The following CEP112 variants were observed in gnomAD, a reference collection of about 807,000 sequenced individuals.
The protein encoded by CEP112 is centrosomal protein 112.
A neutral mutation model predicts 153.0 loss-of-function variants in CEP112; 127 were observed. The observed-to-expected ratio is 0.83, with a 90% CI of 0.72 to 0.96. CEP112 has a LOEUF of 0.96. Ranked by LOEUF, CEP112 falls within the 40% of genes least tolerant of loss-of-function variation. The pLI is 0.00. For synonymous variants in CEP112, 358 were observed against 374.4 expected (o/e 0.96, Z 0.51); for missense variants, 1,089 against 1,101.2 (o/e 0.99, Z 0.16).
intron 8 of CEP112, among the ~76,000 whole-genome samples, chr17:66,084,736 C>A (rs944565813): frequency 6.6e-6 from 1 of 151,766 alleles, no homozygotes; most frequent in East Asian, 1.9e-4. Context: ...AACGAAGAAA[C>A]CTATAATTTG....
At chr17:65,847,367 T>C (rs1487393579) in intron 21 of CEP112, among the ~76,000 whole-genome samples, 1 of 152,224 alleles carries the variant, frequency 6.6e-6, no homozygotes, top group African/African-American at 2.4e-5. Flanking sequence ...AATTCCCTTA[T>C]ATCTTCTTCC....
At chr17:65,664,711 C>T (rs960608276) in intron 24 of CEP112, among the ~76,000 whole-genome samples, 2 of 152,216 alleles carry the variant, frequency 1.3e-5, no homozygotes, top group Non-Finnish European at 2.9e-5. Flanking sequence ...GTCTTCCTCT[C>T]AATCCTGATA....
chr17:65,670,241 T>C (rs1383388824), intron 24 of CEP112, among the ~76,000 whole-genome samples: 2 of 151,652 alleles, frequency 1.3e-5, no homozygotes, highest in African/African-American at 2.4e-5. Flanking sequence ...ATTTTCAAAA[T>C]ACCCTCTAAT....
chr17:65,818,341 C>G (rs1568061403), intron 21 of CEP112, among the ~76,000 whole-genome samples: 1 of 151,698 alleles, frequency 6.6e-6, no homozygotes, highest in Admixed American at 6.6e-5. Flanking sequence ...TGCAGAACAC[C>G]AAAAGCCACA....
intron 24 of CEP112, among the ~76,000 whole-genome samples, chr17:65,676,729 A>G (rs951619178): frequency 6.6e-6 from 1 of 152,344 alleles, no homozygotes; most frequent in Non-Finnish European, 1.5e-5. Flanking sequence ...TTCAGTTACC[A>G]TGGCACATTC....
At chr17:66,053,665 C>G in intron 12 of CEP112, 71 bp downstream of exon 12, 1 of 1,477,314 alleles carries the variant, frequency 6.8e-7, no homozygotes, top group Non-Finnish European at 9.3e-7. Flanking sequence ...CTGTGCACAT[C>G]AGGGAAACAT....
chr17:65,671,746 G>A (rs933019255), intron 24 of CEP112, among the ~76,000 whole-genome samples: 3 of 152,220 alleles, frequency 2.0e-5, no homozygotes, highest in South Asian at 4.1e-4. Context: ...AGGAACCTTA[G>A]TCTAGTGGAA....
intron 23 of CEP112, among the ~76,000 whole-genome samples, chr17:65,692,289 C>T (rs1002136253): frequency 2.1e-5 from 3 of 145,326 alleles, no homozygotes; most frequent in East Asian, 4.0e-4. Flanking sequence ...AGTGCAGTGG[C>T]ACAATCTCGA....
At chr17:66,060,963 G>C (rs35578117) in intron 11 of CEP112, among the ~76,000 whole-genome samples, 2 of 149,780 alleles carry the variant, frequency 1.3e-5, no homozygotes, top group South Asian at 4.2e-4. Context: ...AATCAACAGA[G>C]TGAAAAGGCA....
chr17:66,123,612 G>A (rs1476159629), intron 6 of CEP112, among the ~76,000 whole-genome samples: 3 of 152,156 alleles, frequency 2.0e-5, no homozygotes, highest in African/African-American at 7.2e-5. Context: ...GCACATCTGT[G>A]GAGCTCCTCA....
chr17:65,835,956 A>C (rs764554407), intron 21 of CEP112, among the ~76,000 whole-genome samples: 19 of 152,232 alleles, frequency 1.2e-4, no homozygotes, highest in Non-Finnish European at 2.5e-4. Context: ...TGAAGCATCA[A>C]AGAGTCAAAA....
chr17:65,777,637 C>T (rs764988687), intron 21 of CEP112, among the ~76,000 whole-genome samples: 2 of 152,122 alleles, frequency 1.3e-5, no homozygotes, highest in Non-Finnish European at 2.9e-5. Flanking sequence ...AAGTTCTCCT[C>T]CCCTTCATGA....
intron 24 of CEP112, among the ~76,000 whole-genome samples, chr17:65,664,503 G>A (rs753265060): frequency 2.0e-5 from 3 of 152,164 alleles, no homozygotes; most frequent in Non-Finnish European, 2.9e-5. Flanking sequence ...CAGATGTGAC[G>A]CAGCTAGGAA....
intron 21 of CEP112, among the ~76,000 whole-genome samples, chr17:65,848,541 C>T (rs1365925599): frequency 1.3e-5 from 2 of 152,096 alleles, no homozygotes; most frequent in Non-Finnish European, 2.9e-5. Flanking sequence ...CAGTTGCCCT[C>T]TCTCTCCCTC....
intron 20 of CEP112, among the ~76,000 whole-genome samples, chr17:65,863,560 G>T (rs2058377358): frequency 6.6e-6 from 1 of 151,194 alleles, no homozygotes; most frequent in African/African-American, 2.4e-5. Context: ...AAGGTCAGGA[G>T]ATCGAGACCA....
intron 19 of CEP112, among the ~76,000 whole-genome samples, chr17:65,903,690 T>A (rs2059958329): frequency 6.6e-6 from 1 of 152,130 alleles, no homozygotes; most frequent in Non-Finnish European, 1.5e-5. Context: ...TTTTCCCTGA[T>A]GAACATCGAT....
chr17:65,981,208 G>A (rs1425097007), intron 17 of CEP112, among the ~76,000 whole-genome samples: 1 of 152,080 alleles, frequency 6.6e-6, no homozygotes, highest in Non-Finnish European at 1.5e-5. Flanking sequence ...TTTACTATAT[G>A]GAAGAATAAA....
chr17:65,937,503 A>G (rs1166126289), intron 18 of CEP112, among the ~76,000 whole-genome samples: 10 of 103,998 alleles, frequency 9.6e-5, no homozygotes, highest in Admixed American at 2.6e-4. Flanking sequence ...CTGCCTGGCA[A>G]CCGCCCCGTC....
chr17:66,142,144 T>TTA (rs1169247162), intron 4 of CEP112, among the ~76,000 whole-genome samples: 1 of 152,228 alleles, frequency 6.6e-6, no homozygotes, highest in East Asian at 1.9e-4. Context: ...GTTGAACATT[T>TTA]TATATATTGT....
Sources: gnomAD v4.1 joint callset for allele counts (sites outside exome capture counted in the v4.1 genomes callset) on GRCh38, gnomAD v4.1.1 for gene constraint, MANE v1.5 for transcripts, NCBI Gene and HGNC (gene_info 2026-07-23, HGNC 2026-07-21) for gene names.